ALK: variants seen among roughly 807,000 people sequenced by gnomAD.
ALK encodes the protein ALK tyrosine kinase receptor.
ALK carries 74 observed loss-of-function variants against 163.1 expected under a neutral mutation model. The observed-to-expected ratio is 0.45, with a 90% confidence interval of 0.38 to 0.55. ALK has a LOEUF of 0.55. Ranked by LOEUF, ALK falls within the 20% of genes least tolerant of loss-of-function variation. The pLI is 0.00. For missense variants in ALK, 2,063 were observed against 2,105.3 expected, an observed-to-expected ratio of 0.98 and a Z score of 0.39; for synonymous variants, 960 against 843.2, an observed-to-expected ratio of 1.14 and a Z score of -2.40.
chr2:29,768,689 A>G (rs1227331194), intron 1 of ALK, among the ~76,000 whole-genome samples: 9 of 149,588 alleles, frequency 6.0e-5, no homozygotes, highest in African/African-American at 2.2e-4. Flanking sequence ...TAACAAAATT[A>G]TAATTTTATT....
chr2:29,229,140 G>GATGC, intron 15 of ALK, 74 bp from the exon 16 acceptor site: 4 of 1,456,178 alleles, frequency 2.7e-6, no homozygotes, highest in Non-Finnish European at 3.8e-6. Flanking sequence ...AGAGAAGCAG[G>GATGC]ATGCAGGACG....
Position 29,593,905 on chromosome 2 carries a change from A to G in ALK, c.953-61789T>C, listed in dbSNP as rs1341832491. Among the ~76,000 whole-genome samples, 3 of 152,210 alleles carry G rather than the reference A, an allele frequency of 2.0e-5. No homozygotes were observed. In the East Asian group the frequency reaches 5.8e-4, roughly 29 times the overall value. The stretch of plus-strand genomic sequence containing the variant: ...ACATTTTCAGGAACTTTGAAAGAAG[A>G]TTGTTAAATACAGCCATTATTAAAA... On this transcript the variant is annotated intron_variant, in intron 3 of 28. Transcript: ENST00000389048.
At chr2:29,665,721 G>C (rs1303074343) in intron 3 of ALK, among the ~76,000 whole-genome samples, 4 of 152,026 alleles carry the variant, frequency 2.6e-5, no homozygotes, top group African/African-American at 9.7e-5. Context: ...TTGAAATTAA[G>C]TATTGGCCTA....
At chr2:29,253,900 A>G (rs376802907) in intron 11 of ALK, among the ~76,000 whole-genome samples, 2 of 150,936 alleles carry the variant, frequency 1.3e-5, no homozygotes, top group Non-Finnish European at 3.0e-5. Flanking sequence ...AGATAGGTAG[A>G]TAGCTGTGGT....
At chr2:29,401,756 C>T (rs894207916) in intron 4 of ALK, among the ~76,000 whole-genome samples, 25 of 152,176 alleles carry the variant, frequency 1.6e-4, no homozygotes, top group Admixed American at 1.2e-3. Flanking sequence ...TCAAATTGGC[C>T]GTCTCATGGG....
chr2:29,633,539 T>G (rs1676440706), intron 3 of ALK, among the ~76,000 whole-genome samples: 2 of 151,258 alleles, frequency 1.3e-5, no homozygotes, highest in Non-Finnish European at 2.9e-5. Flanking sequence ...CACAATAAAC[T>G]AATAGCAAGC....
chr2:29,355,534 A>G (rs1668227068), intron 5 of ALK, among the ~76,000 whole-genome samples: 2 of 152,096 alleles, frequency 1.3e-5, no homozygotes, highest in South Asian at 2.1e-4. Context: ...GGTCTCTGCA[A>G]TGCATGTCCT....
intron 4 of ALK, among the ~76,000 whole-genome samples, chr2:29,466,748 C>T (rs967102252): frequency 2.0e-5 from 3 of 152,154 alleles, no homozygotes; most frequent in African/African-American, 7.2e-5. Flanking sequence ...TAGAAAAAAG[C>T]TGAAGAGTTT....
At chr2:29,755,273 G>A (rs778598080) in intron 1 of ALK, among the ~76,000 whole-genome samples, 3 of 152,306 alleles carry the variant, frequency 2.0e-5, no homozygotes, top group Admixed American at 1.3e-4. Flanking sequence ...GTCCCTGCCG[G>A]TGAATGGCCC....
chr2:29,212,676 T>C (rs1258488106), intron 24 of ALK, among the ~76,000 whole-genome samples: 1 of 152,246 alleles, frequency 6.6e-6, no homozygotes, highest in Non-Finnish European at 1.5e-5. Flanking sequence ...TAACTTGTTA[T>C]ATATTTGCAT....
rs559046112 is a variant in ALK at position 29,341,333 on chromosome 2, C to CAAT, written c.1283-12855_1283-12853dup. On this transcript the variant is annotated intron_variant, in intron 5 of 28. Transcript: ENST00000389048. ...GATGATGGCTGCCCACTCATACCTGCAATGGGTCATGGACTGGGAAGCTGA... is the reference window on the plus strand; with the variant it reads ...GATGATGGCTGCCCACTCATACCTGCAATAATGGGTCATGGACTGGGAAGCTGA... Among the ~76,000 whole-genome samples, 233 of 152,342 alleles carry CAAT rather than the reference C, an allele frequency of 1.5e-3. 1 individual carries two copies. Among genetic ancestry groups the CAAT allele is most frequent in the Non-Finnish European group, 2.8e-3 (192 of 68,046 alleles).
intron 26 of ALK, among the ~76,000 whole-genome samples, chr2:29,200,235 G>A (rs1015377637): frequency 3.3e-5 from 5 of 152,180 alleles, no homozygotes; most frequent in Admixed American, 2.0e-4. Flanking sequence ...AAAATCAAAT[G>A]AACAAGAAAC....
chr2:29,194,876 C>T (rs1158720779), intron 28 of ALK, among the ~76,000 whole-genome samples: 4 of 152,010 alleles, frequency 2.6e-5, no homozygotes, highest in Non-Finnish European at 5.9e-5. Flanking sequence ...AAACCATTTA[C>T]AAAAACAACT....
chr2:29,635,411 AT>A (rs1676492142), intron 3 of ALK, among the ~76,000 whole-genome samples: 1 of 152,142 alleles, frequency 6.6e-6, no homozygotes, highest in Non-Finnish European at 1.5e-5. Context: ...GCAGTTGACA[AT>A]TGTACAGATA....
chr2:29,912,432 A>G (rs1667730882), intron 1 of ALK, among the ~76,000 whole-genome samples: 1 of 152,148 alleles, frequency 6.6e-6, no homozygotes, highest in Non-Finnish European at 1.5e-5. Flanking sequence ...TAAAGTGTGG[A>G]AAGAAAGGAA....
chr2:29,369,952 G>A (rs1280774507), intron 5 of ALK, among the ~76,000 whole-genome samples: 1 of 152,166 alleles, frequency 6.6e-6, no homozygotes, highest in East Asian at 1.9e-4. Flanking sequence ...AGAATGGCAG[G>A]GGATGGACAA....
intron 23 of ALK, among the ~76,000 whole-genome samples, chr2:29,215,324 C>T (rs547163300): frequency 1.8e-4 from 28 of 152,302 alleles, no homozygotes; most frequent in Non-Finnish European, 3.4e-4. Context: ...TAGATCAGGG[C>T]CTCCCCAGGA....
intron 1 of ALK, among the ~76,000 whole-genome samples, chr2:29,724,969 C>T (rs1679527843): frequency 6.6e-6 from 1 of 152,026 alleles, no homozygotes; most frequent in East Asian, 1.9e-4. Context: ...CTTCAGCATG[C>T]ATTTCCTGCC....
intron 1 of ALK, among the ~76,000 whole-genome samples, chr2:29,904,233 T>A (rs1419403908): frequency 6.6e-6 from 1 of 152,180 alleles, no homozygotes; most frequent in East Asian, 1.9e-4. Context: ...TTAAAATCCT[T>A]CAACATGAAT....
Sources: allele counts gnomAD v4.1 joint callset (sites outside exome capture counted in the v4.1 genomes callset), GRCh38; gene constraint gnomAD v4.1.1; transcripts MANE v1.5; gene names NCBI Gene and HGNC (gene_info 2026-07-23, HGNC 2026-07-21).